Variants in KAZN observed in about 807,000 individuals in gnomAD.
KAZN encodes the protein kazrin, periplakin interacting protein.
KAZN carries 40 observed loss-of-function variants against 87.4 expected under a neutral mutation model. The observed-to-expected ratio is 0.46, with a 90% CI of 0.36 to 0.60. The LOEUF (loss-of-function observed/expected upper bound fraction) is 0.60, where lower values mean the gene tolerates loss of function less well. KAZN is among the 20% of genes least tolerant of loss of function. The pLI, the probability that KAZN is intolerant of heterozygous loss-of-function variation, is 0.00. For missense variants in KAZN, 898 were observed against 1,073.9 expected (o/e 0.84, Z 2.29); for synonymous variants, 466 against 458.3 (o/e 1.02, Z -0.22).
At chr1:14,523,987 C>T (rs944257603) in intron 2 of KAZN, among the ~76,000 whole-genome samples, 1 of 134,660 alleles carries the variant, frequency 7.4e-6, no homozygotes, top group Non-Finnish European at 1.6e-5. Flanking sequence ...AAAGGCGTGT[C>T]ACTCGTTTTG....
At chr1:14,258,255 A>T (rs1453267606) in intron 2 of KAZN, among the ~76,000 whole-genome samples, 6 of 136,140 alleles carry the variant, frequency 4.4e-5, no homozygotes, top group Middle Eastern at 3.8e-3. Context: ...TTTCTCTTTG[A>T]CCCAGGCTGG....
At chr1:13,964,282 A>C (rs533365402) in intron 1 of KAZN, among the ~76,000 whole-genome samples, 1 of 152,338 alleles carries the variant, frequency 6.6e-6, no homozygotes, top group South Asian at 2.1e-4. Flanking sequence ...TGTATTTTAT[A>C]GTGTATTAGA....
At chr1:13,996,636 G>A (rs961298325) in intron 1 of KAZN, among the ~76,000 whole-genome samples, 3 of 152,176 alleles carry the variant, frequency 2.0e-5, no homozygotes, top group Non-Finnish European at 4.4e-5. Flanking sequence ...TTTCCTCACT[G>A]GGTGGGGCTT....
chr1:14,022,871 G>C (rs1029624459), intron 1 of KAZN, among the ~76,000 whole-genome samples: 4 of 152,094 alleles, frequency 2.6e-5, no homozygotes, highest in Non-Finnish European at 5.9e-5. Context: ...GACTGGCCTG[G>C]GTTTAAACCC....
intron 1 of KAZN, among the ~76,000 whole-genome samples, chr1:14,624,433 A>T (rs943279874): frequency 6.9e-6 from 1 of 145,314 alleles, no homozygotes; most frequent in African/African-American, 2.9e-5. Context: ...AGAAAAAAAA[A>T]AAACAACAAA....
At chr1:14,259,608 T>C (rs1444675040) in intron 2 of KAZN, among the ~76,000 whole-genome samples, 2 of 152,220 alleles carry the variant, frequency 1.3e-5, no homozygotes, top group African/African-American at 4.8e-5. Context: ...ACATTCGTTG[T>C]GTTAGCCTGA....
intron 2 of KAZN, among the ~76,000 whole-genome samples, chr1:14,570,546 T>C (rs925565054): frequency 4.6e-5 from 7 of 152,232 alleles, no homozygotes; most frequent in African/African-American, 1.7e-4. Flanking sequence ...GGTTCACTCC[T>C]GTTGTAGCAT....
chr1:14,198,463 G>C (rs187350199), intron 2 of KAZN, among the ~76,000 whole-genome samples: 179 of 152,282 alleles, frequency 1.2e-3, no homozygotes, highest in African/African-American at 4.2e-3. Flanking sequence ...AGCTGGGCAT[G>C]GTGGCGCATG....
chr1:14,146,955 A>G (rs1455166110), intron 1 of KAZN, among the ~76,000 whole-genome samples: 1 of 152,018 alleles, frequency 6.6e-6, no homozygotes, highest in East Asian at 1.9e-4. Flanking sequence ...AGTGAGACCA[A>G]CCTCTCCCCT....
chr1:14,605,515 C>G (rs948412416), intron 1 of KAZN, among the ~76,000 whole-genome samples: 1 of 152,274 alleles, frequency 6.6e-6, no homozygotes, highest in South Asian at 2.1e-4. Flanking sequence ...CTTATACATA[C>G]TTTTATGCCC....
At position 14,459,258 on chromosome 1, in the gene KAZN, C is replaced by CGT. The variant is rs1161206391; in HGVS notation, c.250-139724_250-139723insTG. Among the ~76,000 whole-genome samples the CGT allele has an allele frequency of 5.4e-3, 671 of 124,178 alleles. 3 individuals carry two copies. Among genetic ancestry groups the CGT allele is most frequent in the African/African-American group, 0.02 (642 of 31,410 alleles). 81.5% of individuals were successfully genotyped at this position (124,178 alleles called of 152,430 possible). The stretch of plus-strand genomic sequence containing the variant: ...ATTCAAGGGGGATATGGTGTGTGTG[C>CGT]GCGTGTGTGTGTGTGTGTGTGTGTA... On this transcript the variant is annotated intron_variant, in intron 2 of 16. Coordinates refer to the KAZN transcript ENST00000636203.
intron 2 of KAZN, among the ~76,000 whole-genome samples, chr1:14,299,178 G>A (rs917183408): frequency 5.9e-5 from 9 of 152,162 alleles, no homozygotes; most frequent in Admixed American, 1.3e-4. Context: ...ACAACCTGGT[G>A]GGGGAAACAG....
intron 2 of KAZN, among the ~76,000 whole-genome samples, chr1:14,465,587 T>C (rs1403405265): frequency 6.6e-6 from 1 of 151,900 alleles, no homozygotes; most frequent in Non-Finnish European, 1.5e-5. Flanking sequence ...CAGGCCCAAA[T>C]CACAAAGCCT....
At chr1:14,794,812 T>G (rs1036550698) in intron 1 of KAZN, among the ~76,000 whole-genome samples, 1 of 152,160 alleles carries the variant, frequency 6.6e-6, no homozygotes, top group Non-Finnish European at 1.5e-5. Flanking sequence ...AACATTTGAG[T>G]CAGTGGACTG....
chr1:14,387,260 G>A (rs376014567), intron 2 of KAZN, among the ~76,000 whole-genome samples: 2 of 152,030 alleles, frequency 1.3e-5, no homozygotes, highest in Non-Finnish European at 2.9e-5. Flanking sequence ...TGGTTTGAAT[G>A]TCCTCCCGTA....
chr1:14,901,950 C>A (rs1252234425), intron 1 of KAZN, among the ~76,000 whole-genome samples: 2 of 152,162 alleles, frequency 1.3e-5, no homozygotes, highest in African/African-American at 4.8e-5. Context: ...GCTGCAAGGG[C>A]CTCCAGCAGT....
intron 2 of KAZN, among the ~76,000 whole-genome samples, chr1:14,517,246 C>T (rs541118813): frequency 3.9e-5 from 6 of 152,032 alleles, no homozygotes; most frequent in African/African-American, 7.3e-5. Flanking sequence ...CTGTGGGAAT[C>T]GTGAAGCTCG....
chr1:14,167,642 G>C (rs533067560), intron 1 of KAZN, among the ~76,000 whole-genome samples: 45 of 152,270 alleles, frequency 3.0e-4, no homozygotes, highest in African/African-American at 1.0e-3. Context: ...AGAGTTGCTT[G>C]CACCCTGGGG....
intron 2 of KAZN, among the ~76,000 whole-genome samples, chr1:14,328,518 A>T (rs1016841671): frequency 1.3e-5 from 2 of 152,074 alleles, no homozygotes; most frequent in Non-Finnish European, 1.5e-5. Flanking sequence ...CCTGGCTAAC[A>T]CAGTGAAACC....
Sources: allele counts gnomAD v4.1 joint callset (sites outside exome capture counted in the v4.1 genomes callset), GRCh38; gene constraint gnomAD v4.1.1; transcripts MANE v1.5; gene names NCBI Gene and HGNC (gene_info 2026-07-23, HGNC 2026-07-21).